The following SLC2A10 variants were observed in gnomAD, a reference collection of about 807,000 sequenced individuals.
The protein encoded by SLC2A10 is solute carrier family 2 member 10.
A neutral mutation model predicts 32.1 loss-of-function variants in SLC2A10; 25 were observed. The ratio of observed to expected loss-of-function variants is 0.78; its 90% CI spans 0.57 to 1.09. The LOEUF (loss-of-function observed/expected upper bound fraction) is 1.09, where lower values mean the gene tolerates loss of function less well. SLC2A10 is among the 50% of genes least tolerant of loss of function. The pLI is 0.00. For missense variants in SLC2A10, 673 were observed against 686.5 expected (o/e 0.98, Z 0.22); for synonymous variants, 332 against 309.6 (o/e 1.07, Z -0.76).
At chr20:46,709,433 CG>C, upstream of SLC2A10, 1 of 428,212 alleles carries the variant, frequency 2.3e-6, no homozygotes, top group Non-Finnish European at 4.1e-6. Flanking sequence ...GGACTACCAA[CG>C]AAGGGGACCC....
chr20:46,734,013 CATTTT>C lies in SLC2A10; in HGVS notation c.*180_*184del. 1 of 668,466 alleles carries C rather than the reference CATTTT, an allele frequency of 1.5e-6. No homozygotes were observed. The highest frequency in any genetic ancestry group is 2.7e-6 in the Non-Finnish European group (1 of 370,606). 41.4% of individuals were successfully genotyped at this position (668,466 alleles called of 1,614,324 possible). On this transcript the variant is annotated 3_prime_UTR_variant, in exon 5 of 5. Coordinates refer to ENST00000359271, the MANE Select transcript of SLC2A10 (RefSeq NM_030777.4). ...GAAAGTCTGAGAATGCCCAACTCTT[CATTTT>C]GAGTCTCAGGCCCTGAAGGTTCCTG...
chr20:46,731,123 A>C (rs1365295481), intron 4 of SLC2A10, among the ~76,000 whole-genome samples: 1 of 152,104 alleles, frequency 6.6e-6, no homozygotes, highest in Non-Finnish European at 1.5e-5. Flanking sequence ...AAGTCGTCCA[A>C]ATGTCGGTTG....
Position 46,735,292 on chromosome 20 carries a change from C to T in SLC2A10, c.*1458C>T, listed in dbSNP as rs777302015. The T allele has an allele frequency of 6.6e-6, 1 of 152,616 alleles. No individual in the cohort carries two copies. Among genetic ancestry groups the T allele is most frequent in the African/African-American group, 2.4e-5 (1 of 41,444 alleles). The allele number at this position is 152,616 out of a possible 1,614,324, so 9.5% of individuals were successfully genotyped here. A position where few individuals can be genotyped will look rare whatever the true frequency, so the allele number is the denominator to read the frequency against. ...GCCTCTCGAGTTCTCCTATCTTCTC[C>T]ATTCTAGATGCTTCCCTTGTATCCA... On this transcript the variant is annotated 3_prime_UTR_variant, in exon 5 of 5. Coordinates refer to ENST00000359271, the MANE Select transcript of SLC2A10 (RefSeq NM_030777.4).
At chr20:46,729,687 G>T (rs1980189757) in intron 4 of SLC2A10, among the ~76,000 whole-genome samples, 199 bp downstream of exon 4, 1 of 133,246 alleles carries the variant, frequency 7.5e-6, no homozygotes, top group African/African-American at 2.8e-5. Flanking sequence ...TGTTGCCCAG[G>T]CTGGAGTGCA....
intron 1 of SLC2A10, chr20:46,714,664 G>C (rs1345161699): frequency 6.5e-6 from 1 of 152,868 alleles, no homozygotes; most frequent in African/African-American, 2.4e-5. Context: ...TGTGTGGGGC[G>C]GGGCTGTGGC....
chr20:46,724,697 T>C (rs993703514), intron 1 of SLC2A10, among the ~76,000 whole-genome samples: 1 of 148,834 alleles, frequency 6.7e-6, no homozygotes, highest in African/African-American at 2.5e-5. Context: ...GATAGATGGA[T>C]AGATGGATCA....
At position 46,725,856 on chromosome 20, in the gene SLC2A10, G is replaced by A. The variant is rs946064864; in HGVS notation, c.820G>A (p.Val274Met). ...GGGATCCTCAGCCGTGCTGGCCTCT[G>A]TGGGGCTTGGCGCAGTGAAGGTGGC... ...HGGSSAVLAS[V>M]GLGAVKVAAT... Residue 274 changes from valine to methionine, a missense_variant, in exon 2 of 5, where the codon GTG becomes ATG. Coordinates refer to ENST00000359271, the MANE Select transcript of SLC2A10 (RefSeq NM_030777.4). 6.2e-7 allele frequency: 1 copy of A among 1,614,142 alleles called. No homozygotes were observed. The highest frequency in any genetic ancestry group is 1.3e-5 in the African/African-American group (1 of 74,952).
rs1054654812 is a variant in SLC2A10 at position 46,726,120 on chromosome 20, G to A, written c.1084G>A (p.Asp362Asn). ...SLPPIPRTNE[D>N]QREPILSTAK... ...ACCTCCCATTCCAAGGACCAATGAG[G>A]ACCAAAGGGAGCCAATCTTGTCCAC... The change falls in exon 2 of 5, where the codon GAC (aspartate) becomes AAC (asparagine). Residue 362 changes from aspartate to asparagine, a missense_variant. Physicochemically the swap from Asp to Asn is conservative, Grantham distance 23. Coordinates refer to ENST00000359271, the MANE Select transcript of SLC2A10 (RefSeq NM_030777.4). 1.9e-6 allele frequency: 3 copies of A among 1,614,240 alleles called. No homozygotes were observed. The highest frequency in any genetic ancestry group is 2.5e-6 in the Non-Finnish European group (3 of 1,180,042).
chr20:46,726,831 C>A, intron 2 of SLC2A10, 33 bp from the exon 3 acceptor site: 3 of 1,613,926 alleles, frequency 1.9e-6, no homozygotes, highest in Non-Finnish European at 2.5e-6. Flanking sequence ...GGTCCCACCA[C>A]AGCCCAGGAG....
intron 4 of SLC2A10, 130 bp downstream of exon 4, chr20:46,729,618 ACT>A: frequency 1.7e-6 from 1 of 572,684 alleles, no homozygotes; most frequent in Non-Finnish European, 2.8e-6. Flanking sequence ...TTGCCTGGGC[ACT>A]ATGAGTTTTT....
chr20:46,721,333 A>C (rs1368281261), intron 1 of SLC2A10, among the ~76,000 whole-genome samples: 1 of 152,182 alleles, frequency 6.6e-6, no homozygotes, highest in Non-Finnish European at 1.5e-5. Flanking sequence ...TTAGTTACCA[A>C]AACAGAAAAG....
At chr20:46,713,209 G>C (rs1979034191) in intron 1 of SLC2A10, among the ~76,000 whole-genome samples, 1 of 152,172 alleles carries the variant, frequency 6.6e-6, no homozygotes, top group Non-Finnish European at 1.5e-5. Context: ...CTGTTCCCTT[G>C]AGGCTGACTT....
chr20:46,729,019 G>C (rs779337543), intron 3 of SLC2A10, among the ~76,000 whole-genome samples: 2 of 152,058 alleles, frequency 1.3e-5, no homozygotes, highest in East Asian at 3.9e-4. Context: ...CTGGATCCAC[G>C]ATCCCTCAGG....
At chr20:46,728,089 A>G (rs1347061493) in intron 3 of SLC2A10, among the ~76,000 whole-genome samples, 1 of 151,982 alleles carries the variant, frequency 6.6e-6, no homozygotes, top group African/African-American at 2.4e-5. Context: ...GAAACAAGGA[A>G]GGGAGGAAGG....
In SLC2A10 at chr20:46,735,438, G is replaced by A. The variant is rs1980520216; in HGVS notation, c.*1604G>A. 6.6e-6 allele frequency: 1 copy of A among 152,428 alleles called. No individual in the cohort carries two copies. Among genetic ancestry groups the A allele is most frequent in the Non-Finnish European group, 1.5e-5 (1 of 68,022 alleles). The allele number at this position is 152,428 out of a possible 1,614,324, so 9.4% of individuals were successfully genotyped here. On this transcript the variant is annotated 3_prime_UTR_variant, in exon 5 of 5. Coordinates refer to ENST00000359271, the MANE Select transcript of SLC2A10 (RefSeq NM_030777.4). The stretch of plus-strand genomic sequence containing the variant: ...TTAAATGATTTAAATTTATAATTAA[G>A]TAAATTACATTAAAACAAAAAAATT...
chr20:46,712,651 C>CTTTTTTTTTTTTTTTT (rs11477202), intron 1 of SLC2A10, among the ~76,000 whole-genome samples: 28 of 94,424 alleles, frequency 3.0e-4, no homozygotes, highest in Non-Finnish European at 4.1e-4. Flanking sequence ...TTCTTTCTTT[C>CTTTTTTTTTTTTTTTT]TTTTTTTTTT....
chr20:46,725,979 G>A lies in SLC2A10; in HGVS notation c.943G>A (p.Gly315Ser). 1 of 1,613,878 alleles carries A rather than the reference G, an allele frequency of 6.2e-7. No homozygotes were observed. Among genetic ancestry groups the A allele is most frequent in the Non-Finnish European group, 8.5e-7 (1 of 1,180,036 alleles). Residue 315 changes from glycine to serine, a missense_variant, in exon 2 of 5, where the codon GGC becomes AGC. Physicochemically the swap from Gly to Ser is moderately conservative, Grantham distance 56. Transcript: ENST00000359271. ...CATGGCCCTGTCCGTCAGTGGCATA[G>A]GCCTCGTCAGCTTTGCCGTGCCCAT... ...ALMALSVSGIGLVSFAVPMDS... is the reference protein window; with the variant it reads ...ALMALSVSGISLVSFAVPMDS...
intron 1 of SLC2A10, among the ~76,000 whole-genome samples, chr20:46,720,083 C>T (rs543787032): frequency 2.4e-4 from 36 of 152,302 alleles, no homozygotes; most frequent in Admixed American, 1.8e-3. Context: ...CCCACTGGCT[C>T]TGAAAGCAAA....
chr20:46,720,649 C>T (rs6012020), intron 1 of SLC2A10, among the ~76,000 whole-genome samples: 3 of 152,176 alleles, frequency 2.0e-5, no homozygotes, highest in African/African-American at 4.8e-5. Flanking sequence ...GCGTGCTTTC[C>T]TGATTCCCAC....
Sources: gnomAD v4.1 joint callset for allele counts (sites outside exome capture counted in the v4.1 genomes callset) on GRCh38, gnomAD v4.1.1 for gene constraint, MANE v1.5 for transcripts, NCBI Gene and HGNC (gene_info 2026-07-23, HGNC 2026-07-21) for gene names.